The following EGFR variants were observed in gnomAD, a reference collection of about 807,000 sequenced individuals.
The protein encoded by EGFR is epidermal growth factor receptor, also known as avian erythroblastic leukemia viral (v-erb-b) oncogene homolog.
Under a neutral mutation model 143.0 loss-of-function variants are expected in EGFR, and 58 were observed. The ratio of observed to expected loss-of-function variants is 0.41; its 90% confidence interval spans 0.33 to 0.50. The LOEUF is 0.50. Ranked by LOEUF, EGFR falls within the 20% of genes least tolerant of loss-of-function variation. The pLI is 0.39. For missense variants in EGFR, 1,307 were observed against 1,579.0 expected (o/e 0.83, Z 2.92); for synonymous variants, 613 against 594.4 (o/e 1.03, Z -0.45).
chr7:55,033,165 A>G (rs1787360460), intron 1 of EGFR, among the ~76,000 whole-genome samples: 1 of 152,258 alleles, frequency 6.6e-6, no homozygotes, highest in South Asian at 2.1e-4. Context: ...TAGAAAAAGC[A>G]GCAACTTTCT....
At chr7:55,130,761 T>C (rs1330734735) in intron 1 of EGFR, among the ~76,000 whole-genome samples, 2 of 152,246 alleles carry the variant, frequency 1.3e-5, no homozygotes, top group African/African-American at 4.8e-5. Context: ...TCTGAGAGCA[T>C]GCTGGGTTCC....
rs547789203 is a variant in EGFR, at chr7:55,137,200, C to T, written c.89-5086C>T. Among the ~76,000 whole-genome samples the T allele has an allele frequency of 2.6e-4, 40 of 152,170 alleles. 1 individual carries two copies. The South Asian group carries it at 6.4e-3, about 24-fold the overall frequency. Reference sequence around the variant, plus strand: ...CGAAGATGCAAAGGAAGCAAAGATGCGAAGATCTGGGCTGGGGATGGAAGC... The same window carrying T: ...CGAAGATGCAAAGGAAGCAAAGATGTGAAGATCTGGGCTGGGGATGGAAGC... On this transcript the variant is annotated intron_variant, in intron 1 of 27. Coordinates refer to ENST00000275493, the MANE Select transcript of EGFR (RefSeq NM_005228.5).
chr7:55,151,756 C>T (rs1351988029), intron 5 of EGFR, among the ~76,000 whole-genome samples: 1 of 152,202 alleles, frequency 6.6e-6, no homozygotes, highest in Non-Finnish European at 1.5e-5. Flanking sequence ...CGCCTGTAGT[C>T]CCAGCTACTC....
chr7:55,192,910 A>T (rs566866523), intron 22 of EGFR, 69 bp downstream of exon 22: 1 of 1,307,152 alleles, frequency 7.7e-7, no homozygotes, highest in South Asian at 1.2e-5. Context: ...TAGTTAATTT[A>T]CATTATATCC....
Position 55,081,656 on chromosome 7 carries a change from C to T in EGFR, c.89-60630C>T, listed in dbSNP as rs530402571. 2.0e-4 allele frequency among the ~76,000 whole-genome samples: 30 copies of T among 152,096 alleles called. No homozygotes were observed. In the East Asian group the frequency reaches 4.8e-3, roughly 25 times the overall value. On this transcript the variant is annotated intron_variant, in intron 1 of 27. Coordinates refer to ENST00000275493, the MANE Select transcript of EGFR (RefSeq NM_005228.5). ...TACCAAATCACCCACTAACCCTGGG[C>T]GAGGAGGGGCCATCACTGCACAATT...
chr7:55,144,083 C>T (rs1794624371), intron 3 of EGFR, among the ~76,000 whole-genome samples: 1 of 152,178 alleles, frequency 6.6e-6, no homozygotes, highest in Non-Finnish European at 1.5e-5. Context: ...TTGTGCCTCA[C>T]TGTGCAGTGG....
intron 1 of EGFR, among the ~76,000 whole-genome samples, chr7:55,024,070 T>C (rs1236714446): frequency 1.3e-5 from 2 of 152,248 alleles, no homozygotes; most frequent in Non-Finnish European, 2.9e-5. Flanking sequence ...CAGAGTCATC[T>C]GATAAAGCTT....
Position 55,198,815 on chromosome 7 carries a change from C to T in EGFR, c.2800C>T (p.Pro934Ser), listed in dbSNP as rs575565383. ...CATCCTGGAGAAAGGAGAACGCCTC[C>T]CTCAGCCACCCATATGTACCATCGA... ...SSILEKGERLPQPPICTIDVY... is the reference protein window; with the variant it reads ...SSILEKGERLSQPPICTIDVY... Residue 934 changes from proline (P) to serine (S), a missense_variant, in exon 23 of 28, where the codon CCT (proline) becomes TCT (serine). Coordinates refer to ENST00000275493, the MANE Select transcript of EGFR (RefSeq NM_005228.5). 1.7e-5 allele frequency: 27 copies of T among 1,614,202 alleles called. No individual in the cohort carries two copies. The African/African-American group carries it at 2.9e-4, about 18-fold the overall frequency.
At chr7:55,194,393 A>AT (rs1478930588) in intron 22 of EGFR, among the ~76,000 whole-genome samples, 1 of 151,700 alleles carries the variant, frequency 6.6e-6, no homozygotes, top group East Asian at 1.9e-4. Context: ...TGCCCAGCTA[A>AT]TTTTTTGTAT....
In EGFR at chr7:55,205,920, G is replaced by C. The variant is rs1256026123; in HGVS notation, c.*303G>C. 1 of 457,888 alleles carries C rather than the reference G, an allele frequency of 2.2e-6. No individual in the cohort carries two copies. Among genetic ancestry groups the C allele is most frequent in the Non-Finnish European group, 4.0e-6 (1 of 252,744 alleles). The allele number at this position is 457,888 out of a possible 1,614,324, so 28.4% of individuals were successfully genotyped here. A position where few individuals can be genotyped will look rare whatever the true frequency, so the allele number is the denominator to read the frequency against. On this transcript the variant is annotated 3_prime_UTR_variant, in exon 28 of 28. Transcript: ENST00000275493. ...TTTGAAAAAAAAAAAAAGTATATGTGAGGATTTTTATTGATTGGGGATCTT... is the reference window on the plus strand; with the variant it reads ...TTTGAAAAAAAAAAAAAGTATATGTCAGGATTTTTATTGATTGGGGATCTT...
intron 1 of EGFR, among the ~76,000 whole-genome samples, chr7:55,135,535 GA>G (rs1465115218): frequency 6.6e-6 from 1 of 151,876 alleles, no homozygotes; most frequent in African/African-American, 2.4e-5. Context: ...AACAACTGAG[GA>G]AAAAACATAA....
chr7:55,079,849 C>T (rs1362460031), intron 1 of EGFR, among the ~76,000 whole-genome samples: 1 of 152,132 alleles, frequency 6.6e-6, no homozygotes, highest in Non-Finnish European at 1.5e-5. Flanking sequence ...TAGGCTCTTG[C>T]CAGGAGGGGC....
intron 1 of EGFR, among the ~76,000 whole-genome samples, chr7:55,115,888 A>G (rs1431324342): frequency 6.6e-6 from 1 of 152,206 alleles, no homozygotes; most frequent in East Asian, 1.9e-4. Flanking sequence ...CATAACTTTA[A>G]GTTTTAAGCG....
chr7:55,164,498 T>G (rs1174302315), intron 14 of EGFR, among the ~76,000 whole-genome samples: 1 of 152,228 alleles, frequency 6.6e-6, no homozygotes, highest in Non-Finnish European at 1.5e-5. Flanking sequence ...CCAGCGTGGC[T>G]GCTTACAAAG....
intron 6 of EGFR, 77 bp from the exon 7 acceptor site, chr7:55,153,934 A>G (rs1785279172): frequency 6.2e-7 from 1 of 1,606,346 alleles, no homozygotes; most frequent in Non-Finnish European, 8.5e-7. Flanking sequence ...GGGAGTCAAC[A>G]CCGTGCTGCG....
intron 1 of EGFR, among the ~76,000 whole-genome samples, chr7:55,089,234 C>G (rs531692029): frequency 6.6e-6 from 1 of 152,120 alleles, no homozygotes; most frequent in South Asian, 2.1e-4. Context: ...TGTAATGGCT[C>G]CCTCATCTTC....
At chr7:55,147,429 G>A (rs1414812371) in intron 4 of EGFR, among the ~76,000 whole-genome samples, 1 of 151,552 alleles carries the variant, frequency 6.6e-6, no homozygotes, top group African/African-American at 2.4e-5. Context: ...GTTCTTTAGA[G>A]TAAGAAGTGA....
intron 4 of EGFR, among the ~76,000 whole-genome samples, chr7:55,148,109 G>T (rs1794863069): frequency 6.6e-6 from 1 of 152,114 alleles, no homozygotes; most frequent in East Asian, 1.9e-4. Flanking sequence ...GAGGCTCTTT[G>T]TTTTATAGAC....
rs540317044 is a variant in EGFR at position 55,181,200 on chromosome 7, C to A, written c.2284-93C>A. On this transcript the variant is annotated intron_variant, in intron 19 of 27. Coordinates refer to ENST00000275493, the MANE Select transcript of EGFR (RefSeq NM_005228.5). Reference sequence around the variant, plus strand: ...GAGTACGTATTTTGAAACTCAAGATCGCATTCATGCGTCTTCACCTGGAAG... The same window carrying A: ...GAGTACGTATTTTGAAACTCAAGATAGCATTCATGCGTCTTCACCTGGAAG... The A allele has an allele frequency of 3.6e-4, 510 of 1,431,174 alleles. 2 individuals are homozygous for A. Among genetic ancestry groups the A allele is most frequent in the South Asian group, 1.4e-3 (122 of 86,806 alleles). 88.7% of individuals were successfully genotyped at this position (1,431,174 alleles called of 1,614,324 possible).
Sources: gnomAD v4.1 joint callset for allele counts (sites outside exome capture counted in the v4.1 genomes callset) on GRCh38, gnomAD v4.1.1 for gene constraint, MANE v1.5 for transcripts, NCBI Gene and HGNC (gene_info 2026-07-23, HGNC 2026-07-21) for gene names.